Variants in RHEBL1 observed in about 807,000 individuals in gnomAD.
The protein encoded by RHEBL1 is RHEB like 1.
A neutral mutation model predicts 27.4 loss-of-function variants in RHEBL1; 22 were observed. The ratio of observed to expected loss-of-function variants is 0.80; its 90% CI spans 0.57 to 1.15. The LOEUF is 1.15. Ranked by LOEUF, RHEBL1 falls within the 50% of genes most tolerant of loss-of-function variation. The pLI, the probability that RHEBL1 is intolerant of heterozygous loss-of-function variation, is 0.00. For synonymous variants in RHEBL1, 85 were observed against 80.8 expected, an observed-to-expected ratio of 1.05 and a Z score of -0.28; for missense variants, 186 against 226.5, an observed-to-expected ratio of 0.82 and a Z score of 1.15.
In RHEBL1 at chr12:49,069,753, G is replaced by A. The variant is rs758905599; in HGVS notation, c.33C>T (p.Ile11=). ...ACTCACCTACACAGCGGTATCCGAG[G>A]ATGACCACCTTCCTGTAGCGGACTA... MPLVRYRKVV[I]LGYRCVGKTS... The change falls in exon 1 of 8, where the codon ATC becomes ATT. Residue 11 remains isoleucine (I), a synonymous_variant. Coordinates refer to ENST00000301068, the MANE Select transcript of RHEBL1 (RefSeq NM_144593.3). 6 of 1,613,706 alleles carry A rather than the reference G, an allele frequency of 3.7e-6. No individual in the cohort carries two copies. The highest frequency in any genetic ancestry group is 2.2e-5 in the East Asian group (1 of 44,848).
At chr12:49,067,098 ACTTT>A in intron 2 of RHEBL1, 63 bp from the exon 3 acceptor site, 1 of 855,780 alleles carries the variant, frequency 1.2e-6, no homozygotes, top group Admixed American at 2.8e-5. Flanking sequence ...ATGTCCCCTG[ACTTT>A]TTTTTTTTTT....
intron 1 of RHEBL1, among the ~76,000 whole-genome samples, 194 bp downstream of exon 1, chr12:49,069,540 C>A (rs1939052877): frequency 6.6e-6 from 1 of 152,108 alleles, no homozygotes; most frequent in African/African-American, 2.4e-5. Context: ...TAAGTGCTCC[C>A]GCTTCCTGCA....
intron 3 of RHEBL1, 57 bp from the exon 4 acceptor site, chr12:49,066,758 T>G: frequency 6.6e-7 from 1 of 1,522,942 alleles, no homozygotes; most frequent in Non-Finnish European, 9.1e-7. Context: ...ATGGCAAAGG[T>G]TGGTGGGACA....
chr12:49,066,477 G>A lies in RHEBL1; in HGVS notation c.331C>T (p.Arg111Trp), dbSNP rs777676008. 8.9e-5 allele frequency: 143 copies of A among 1,613,430 alleles called. No homozygotes were observed. The highest frequency in any genetic ancestry group is 1.2e-4 in the Non-Finnish European group (137 of 1,179,826). The change falls in exon 5 of 8, where the codon CGG (arginine) becomes TGG (tryptophan). Residue 111 changes from arginine (R) to tryptophan (W), a missense_variant and splice_region_variant. Arg to Trp is a moderately radical substitution (Grantham distance 101). Coordinates refer to ENST00000301068, the MANE Select transcript of RHEBL1 (RefSeq NM_144593.3). ...TCCCTATCCCCCAGGGCCACTTACC[G>A]GGTTTTCCCATGGCCTTCATGTAGC... is the stretch of plus-strand genomic sequence containing the variant. ...QKLHEGHGKT[R>W]VPVVLVGNKA...
At chr12:49,067,400 C>T (rs1310889727) in intron 2 of RHEBL1, among the ~76,000 whole-genome samples, 2 of 152,042 alleles carry the variant, frequency 1.3e-5, no homozygotes, top group African/African-American at 4.8e-5. Flanking sequence ...TCACCTCAGC[C>T]TCCCAAGTAG....
chr12:49,067,177 AC>A, intron 2 of RHEBL1, 142 bp from the exon 3 acceptor site: 1 of 588,580 alleles, frequency 1.7e-6, no homozygotes, highest in East Asian at 2.9e-5. Context: ...ATCTCAGCTC[AC>A]TGCAACCTCT....
chr12:49,069,942 C>G lies in RHEBL1; in HGVS notation c.-157G>C. ...AGGAAACCAAAACAAGCGCCGCGCCCGGAGCTGCCCACGTGATCACAACAC... is the reference window on the plus strand; with the variant it reads ...AGGAAACCAAAACAAGCGCCGCGCCGGGAGCTGCCCACGTGATCACAACAC... On this transcript the variant is annotated 5_prime_UTR_variant, in exon 1 of 8. Transcript: ENST00000301068. 1.5e-6 allele frequency: 1 copy of G among 657,328 alleles called. No individual in the cohort carries two copies. Among genetic ancestry groups the G allele is most frequent in the Non-Finnish European group, 2.7e-6 (1 of 368,080 alleles). 40.7% of individuals were successfully genotyped at this position (657,328 alleles called of 1,614,324 possible).
chr12:49,065,724 G>A (rs571572410), intron 6 of RHEBL1, among the ~76,000 whole-genome samples: 1 of 152,210 alleles, frequency 6.6e-6, no homozygotes, highest in South Asian at 2.1e-4. Flanking sequence ...AGGAGATCGA[G>A]ACCATCCTGG....
chr12:49,069,749 C>G lies in RHEBL1; in HGVS notation c.37G>C (p.Gly13Arg). 1.2e-6 allele frequency: 2 copies of G among 1,613,930 alleles called. No homozygotes were observed. Among genetic ancestry groups the G allele is most frequent in the Non-Finnish European group, 1.7e-6 (2 of 1,179,950 alleles). ...LVRYRKVVIL[G>R]YRCVGKTSLA... ...GGAGACTCACCTACACAGCGGTATC[C>G]GAGGATGACCACCTTCCTGTAGCGG... is the stretch of plus-strand genomic sequence containing the variant. Residue 13 changes from glycine to arginine, a missense_variant, in exon 1 of 8, where the codon GGA becomes CGA. By Grantham distance (125) the Gly-to-Arg change is moderately radical. Around this residue, in one of 3 missense-constraint regions of RHEBL1, gnomAD observed 62 missense variants for 62.1 expected, o/e 1.00. Transcript: ENST00000301068.
chr12:49,069,866 C>T lies in RHEBL1; in HGVS notation c.-81G>A. The T allele has an allele frequency of 7.9e-7, 1 of 1,261,260 alleles. No homozygotes were observed. Among genetic ancestry groups the T allele is most frequent in the Non-Finnish European group, 1.2e-6 (1 of 869,548 alleles). 78.1% of individuals were successfully genotyped at this position (1,261,260 alleles called of 1,614,324 possible). ...GAGGTCAGGGTGTGAGCAGGCGCGG[C>T]AGCTGGTGCAGGAAAGTCGCTCACC... On this transcript the variant is annotated 5_prime_UTR_variant, in exon 1 of 8. Coordinates refer to ENST00000301068, the MANE Select transcript of RHEBL1 (RefSeq NM_144593.3).
At chr12:49,066,432 C>A in intron 5 of RHEBL1, 44 bp downstream of exon 5, 1 of 1,593,860 alleles carries the variant, frequency 6.3e-7, no homozygotes, top group Non-Finnish European at 8.6e-7. Flanking sequence ...TCTCTCCCAC[C>A]CCCTCATGCC....
chr12:49,066,768 A>G (rs1368879132), intron 3 of RHEBL1, 67 bp from the exon 4 acceptor site: 2 of 1,457,988 alleles, frequency 1.4e-6, no homozygotes, highest in Non-Finnish European at 1.9e-6. Flanking sequence ...TTGGTGGGAC[A>G]ACATCCAGGT....
intron 1 of RHEBL1, 167 bp from the exon 2 acceptor site, chr12:49,069,273 C>A: frequency 8.3e-7 from 1 of 1,209,424 alleles, no homozygotes; most frequent in Non-Finnish European, 1.1e-6. Context: ...CTCTTTTCAC[C>A]CAGGGTCTCC....
At chr12:49,067,693 T>C (rs372424989) in intron 2 of RHEBL1, among the ~76,000 whole-genome samples, 2 of 152,228 alleles carry the variant, frequency 1.3e-5, no homozygotes, top group East Asian at 1.9e-4. Context: ...AGCGTGAGAA[T>C]TGCTTGAACC....
chr12:49,068,291 G>A (rs768876433), intron 2 of RHEBL1, among the ~76,000 whole-genome samples: 1 of 151,666 alleles, frequency 6.6e-6, no homozygotes, highest in Non-Finnish European at 1.5e-5. Context: ...CACCATGTCC[G>A]GCTAATTTTT....
intron 2 of RHEBL1, among the ~76,000 whole-genome samples, chr12:49,067,428 C>T (rs1309053952): frequency 6.6e-6 from 1 of 151,876 alleles, no homozygotes; most frequent in African/African-American, 2.4e-5. Context: ...TACAGGTGTG[C>T]ACCTCTGCAC....
At chr12:49,068,122 C>CTTTTTTTTT (rs56250975) in intron 2 of RHEBL1, among the ~76,000 whole-genome samples, 4 of 144,920 alleles carry the variant, frequency 2.8e-5, no homozygotes, top group Non-Finnish European at 1.5e-5. Flanking sequence ...TCTTTTTATT[C>CTTTTTTTTT]TTTTTTTTTT....
chr12:49,065,190 C>A lies in RHEBL1; in HGVS notation c.465G>T (p.Leu155=). ...TGACTTTGGTGAAGATGCCTTGAGT[C>A]AGCTATAAGAGGAGAGGATTCAGGG... ...FMESSARENQ[L]TQGIFTKVIQ... The change falls in exon 8 of 8, where the codon CTG becomes CTT. Residue 155 remains leucine, a splice_region_variant and synonymous_variant. Coordinates refer to ENST00000301068, the MANE Select transcript of RHEBL1 (RefSeq NM_144593.3). 1 of 1,613,200 alleles carries A rather than the reference C, an allele frequency of 6.2e-7. No individual in the cohort carries two copies. Among genetic ancestry groups the A allele is most frequent in the South Asian group, 1.1e-5 (1 of 91,058 alleles).
chr12:49,064,838 C>T lies in RHEBL1; in HGVS notation c.*265G>A. ...TAATGCCCAGGACTCATATCCTGAC[C>T]CCATAGGTTATAACAGAATTCATCA... is the stretch of plus-strand genomic sequence containing the variant. On this transcript the variant is annotated 3_prime_UTR_variant, in exon 8 of 8. Coordinates refer to ENST00000301068, the MANE Select transcript of RHEBL1 (RefSeq NM_144593.3). 2 of 481,528 alleles carry T rather than the reference C, an allele frequency of 4.2e-6. No homozygotes were observed. Among genetic ancestry groups the T allele is most frequent in the Non-Finnish European group, 7.6e-6 (2 of 263,466 alleles). 29.8% of individuals were successfully genotyped at this position (481,528 alleles called of 1,614,324 possible).
Sources: gnomAD v4.1 joint callset for allele counts (sites outside exome capture counted in the v4.1 genomes callset) on GRCh38, gnomAD v4.1.1 for gene constraint, gnomAD v4.1.1 regional missense constraint, MANE v1.5 for transcripts, NCBI Gene and HGNC (gene_info 2026-07-23, HGNC 2026-07-21) for gene names.